The following THSD7A variants were observed in gnomAD, a reference collection of about 807,000 sequenced individuals.
THSD7A encodes the protein thrombospondin type 1 domain containing 7A, also known as thrombospondin type-1 domain-containing protein 7A.
Under a neutral mutation model 231.3 loss-of-function variants are expected in THSD7A, and 96 were observed. The ratio of observed to expected loss-of-function variants is 0.41; its 90% CI spans 0.35 to 0.49. The LOEUF is 0.49. Among genes scored for constraint, THSD7A ranks in the 20% least tolerant of loss-of-function variants. THSD7A has a pLI of 0.05. For missense variants in THSD7A, 2,290 were observed against 2,070.2 expected (o/e 1.11, Z -2.06); for synonymous variants, 940 against 743.3 (o/e 1.26, Z -4.30).
At chr7:11,774,487 TAC>T (rs71830837) in intron 1 of THSD7A, among the ~76,000 whole-genome samples, 3,808 of 148,952 alleles carry the variant, frequency 0.026, 41 homozygotes, top group Non-Finnish European at 0.033. Flanking sequence ...TAAGCATTCT[TAC>T]ACACACACAC....
chr7:11,596,503 A>G (rs991937916), intron 2 of THSD7A, among the ~76,000 whole-genome samples: 9 of 152,162 alleles, frequency 5.9e-5, no homozygotes, highest in African/African-American at 1.9e-4. Context: ...GAACCCCCAC[A>G]TTGGCTCCCT....
At chr7:11,541,338 G>T in intron 6 of THSD7A, 81 bp downstream of exon 6, 1 of 1,334,770 alleles carries the variant, frequency 7.5e-7, no homozygotes, top group Non-Finnish European at 1.1e-6. Context: ...AATGCGAGAA[G>T]ACACAGGATT....
At chr7:11,769,147 A>ATTTTTTTTTTTT (rs1562541356) in intron 1 of THSD7A, among the ~76,000 whole-genome samples, 1 of 35,652 alleles carries the variant, frequency 2.8e-5, no homozygotes, top group Non-Finnish European at 6.1e-5. Context: ...ATATATATAT[A>ATTTTTTTTTTTT]TATATATTTT....
intron 1 of THSD7A, among the ~76,000 whole-genome samples, chr7:11,793,036 G>A (rs916713943): frequency 1.3e-5 from 2 of 151,680 alleles, no homozygotes; most frequent in African/African-American, 4.8e-5. Context: ...AAGTTATGAT[G>A]GGAAACAGAA....
At chr7:11,675,475 A>G (rs1440278621) in intron 1 of THSD7A, among the ~76,000 whole-genome samples, 1 of 152,120 alleles carries the variant, frequency 6.6e-6, no homozygotes, top group East Asian at 1.9e-4. Context: ...TGCTTAGTGG[A>G]TCCCACCGCC....
At chr7:11,631,932 T>G (rs1164403142) in intron 2 of THSD7A, among the ~76,000 whole-genome samples, 2 of 152,156 alleles carry the variant, frequency 1.3e-5, no homozygotes, top group Non-Finnish European at 1.5e-5. Context: ...AGGCTGAGAC[T>G]TCTATCCTTA....
At chr7:11,812,459 T>G (rs1784558938) in intron 1 of THSD7A, among the ~76,000 whole-genome samples, 2 of 152,162 alleles carry the variant, frequency 1.3e-5, no homozygotes, top group African/African-American at 4.8e-5. Flanking sequence ...ACGGATTGTT[T>G]AGATAAAATA....
At position 11,505,446 on chromosome 7, in the gene THSD7A, GT is replaced by G. The variant is rs200864043; in HGVS notation, c.1823-23465del. On this transcript the variant is annotated intron_variant, in intron 6 of 27. Coordinates refer to ENST00000423059, the MANE Select transcript of THSD7A (RefSeq NM_015204.3). Reference sequence around the variant, plus strand: ...CGAAAACTAACACTACCAGTGTAAAGTTTTTTTTTTTTTTAATTTAAAAGAT... The same window carrying G: ...CGAAAACTAACACTACCAGTGTAAAGTTTTTTTTTTTTTAATTTAAAAGAT... 1.7e-3 allele frequency among the ~76,000 whole-genome samples: 239 copies of G among 144,458 alleles called. 1 individual carries two copies. The highest frequency in any genetic ancestry group is 3.7e-3 in the South Asian group (17 of 4,572). 94.8% of individuals were successfully genotyped at this position (144,458 alleles called of 152,430 possible).
At chr7:11,432,274 C>A (rs1288357775) in intron 13 of THSD7A, among the ~76,000 whole-genome samples, 3 of 151,718 alleles carry the variant, frequency 2.0e-5, no homozygotes, top group Non-Finnish European at 4.4e-5. Context: ...ACAGACAGAA[C>A]CAAAAAAAAT....
At chr7:11,541,382 G>T in intron 6 of THSD7A, 37 bp downstream of exon 6, 3 of 1,583,728 alleles carry the variant, frequency 1.9e-6, no homozygotes, top group Non-Finnish European at 2.6e-6. Context: ...TGCAGGGTTG[G>T]ACATCCATAA....
In THSD7A at chr7:11,446,569, T is replaced by A. The variant is rs1372768687; in HGVS notation, c.2801-245A>T. On this transcript the variant is annotated intron_variant, in intron 12 of 27. Coordinates refer to ENST00000423059, the MANE Select transcript of THSD7A (RefSeq NM_015204.3). The surrounding 1 kb of genome is among the most constrained non-coding windows in gnomAD (Gnocchi z 4.0). ...AGAACACTATTTTTCACATACTTTT[T>A]AATTATACTACAGATAAGTATATAT... Among the ~76,000 whole-genome samples the A allele has an allele frequency of 6.6e-6, 1 of 152,142 alleles. No homozygotes were observed. Among genetic ancestry groups the A allele is most frequent in the Non-Finnish European group, 1.5e-5 (1 of 68,008 alleles).
At chr7:11,811,461 C>T (rs1484933697) in intron 1 of THSD7A, among the ~76,000 whole-genome samples, 1 of 152,070 alleles carries the variant, frequency 6.6e-6, no homozygotes, top group Non-Finnish European at 1.5e-5. Flanking sequence ...TATATGAATT[C>T]AAGTTAAAAA....
intron 9 of THSD7A, among the ~76,000 whole-genome samples, chr7:11,462,609 T>C (rs114711406): frequency 2.5e-3 from 383 of 152,314 alleles, no homozygotes; most frequent in African/African-American, 8.8e-3. Flanking sequence ...TTGTTATTCA[T>C]TTAATTTGAA....
At chr7:11,686,321 G>A (rs541748607) in intron 1 of THSD7A, among the ~76,000 whole-genome samples, 1 of 151,806 alleles carries the variant, frequency 6.6e-6, no homozygotes, top group African/African-American at 2.4e-5. Context: ...ACCCACACAT[G>A]TACCCCGAAT....
chr7:11,572,754 C>A (rs1790699333), intron 4 of THSD7A, among the ~76,000 whole-genome samples: 1 of 152,064 alleles, frequency 6.6e-6, no homozygotes, highest in South Asian at 2.1e-4. Context: ...GATCCTCCTG[C>A]CTCAGCCTCC....
rs768472079 is a variant in THSD7A at position 11,447,223 on chromosome 7, T to C, written c.2800+7A>G. ...TGTACTGGCTTTGGCATCCCAATTA[T>C]TCTTACCAACAAGAGTGCGCTTTCT... On this transcript the variant is annotated splice_region_variant and intron_variant, in intron 12 of 27. Transcript: ENST00000423059. 2 of 1,612,798 alleles carry C rather than the reference T, an allele frequency of 1.2e-6. No homozygotes were observed. The highest frequency in any genetic ancestry group is 2.2e-5 in the East Asian group (1 of 44,792).
intron 2 of THSD7A, among the ~76,000 whole-genome samples, chr7:11,596,413 G>T (rs1329908915): frequency 6.6e-6 from 1 of 152,132 alleles, no homozygotes; most frequent in East Asian, 1.9e-4. Context: ...AGTGGGTCCA[G>T]TGGTTCCCGG....
intron 6 of THSD7A, among the ~76,000 whole-genome samples, chr7:11,501,529 T>C (rs534934889): frequency 6.6e-6 from 1 of 152,288 alleles, no homozygotes; most frequent in South Asian, 2.1e-4. Flanking sequence ...CCTGAATGGC[T>C]TTTGGGTAAA....
rs1782110140 is a variant in THSD7A, at chr7:11,372,851, G to A, written c.*2943C>T. On this transcript the variant is annotated 3_prime_UTR_variant, in exon 28 of 28. Coordinates refer to ENST00000423059, the MANE Select transcript of THSD7A (RefSeq NM_015204.3). ...TTTAACTCATTATTGTCTCATGTCA[G>A]AAACAAAAATAAGGCCATTTTCATG... The A allele has an allele frequency of 6.6e-6, 1 of 151,910 alleles. No individual in the cohort carries two copies. The highest frequency in any genetic ancestry group is 6.6e-5 in the Admixed American group (1 of 15,208). 9.4% of individuals were successfully genotyped at this position (151,910 alleles called of 1,614,324 possible).
Sources: gnomAD v4.1 joint callset for allele counts (sites outside exome capture counted in the v4.1 genomes callset) on GRCh38, gnomAD v4.1.1 for gene constraint, Gnocchi (gnomAD v3.1) non-coding constraint, MANE v1.5 for transcripts, NCBI Gene and HGNC (gene_info 2026-07-23, HGNC 2026-07-21) for gene names.